C4orf50: variants seen among roughly 807,000 people sequenced by gnomAD.
The protein encoded by C4orf50 is chromosome 4 open reading frame 50.
C4orf50 carries 80 observed loss-of-function variants against 77.2 expected under a neutral mutation model. The observed-to-expected ratio is 1.04, with a 90% CI of 0.87 to 1.25. C4orf50 has a LOEUF of 1.25. Ranked by LOEUF, C4orf50 falls within the 50% of genes most tolerant of loss-of-function variation. The pLI is 0.00. For missense variants in C4orf50, 1,257 were observed against 1,152.9 expected (o/e 1.09, Z -1.31); for synonymous variants, 532 against 465.3 (o/e 1.14, Z -1.84).
At chr4:5,956,435 A>G (rs1718963362), downstream of C4orf50, among the ~76,000 whole-genome samples, 1 of 152,160 alleles carries the variant, frequency 6.6e-6, no homozygotes, top group Middle Eastern at 3.2e-3. Flanking sequence ...ACTCTGGAGG[A>G]CAGGAACCTG....
chr4:5,955,297 G>A (rs540535975), downstream of C4orf50, among the ~76,000 whole-genome samples: 5 of 152,152 alleles, frequency 3.3e-5, no homozygotes, highest in African/African-American at 7.2e-5. The surrounding 1 kb of genome is among the most constrained non-coding windows in gnomAD (Gnocchi z 5.1). Context: ...TGAAATCACC[G>A]AGGCGGGGAG....
chr4:5,925,433 G>C (rs1237486666), intron 7 of C4orf50, among the ~76,000 whole-genome samples: 1 of 152,220 alleles, frequency 6.6e-6, no homozygotes, highest in Non-Finnish European at 1.5e-5. Context: ...ATGAGAACTA[G>C]AAAGATAAAC....
chr4:5,926,050 G>C (rs1016253883), intron 7 of C4orf50, among the ~76,000 whole-genome samples: 4 of 152,248 alleles, frequency 2.6e-5, no homozygotes, highest in Non-Finnish European at 4.4e-5. Context: ...CGGACGACAC[G>C]ATAGCTGGAA....
rs1716522826 is a variant in C4orf50, at chr4:5,905,797, T to C, written c.*2475-7609A>G. On this transcript the variant is annotated intron_variant, in intron 7 of 7. Coordinates refer to the C4orf50 transcript ENST00000324058. This position sits in a 1 kb window ranked among gnomAD's most constrained non-coding sequence, Gnocchi z 5.4. ...AAAGGGGCCAATGGCCAAAAGAAGGTTGAGAACAACTGAAGAAGAAAGACA... is the reference window on the plus strand; with the variant it reads ...AAAGGGGCCAATGGCCAAAAGAAGGCTGAGAACAACTGAAGAAGAAAGACA... Among the ~76,000 whole-genome samples, 1 of 152,104 alleles carries C rather than the reference T, an allele frequency of 6.6e-6. No individual in the cohort carries two copies.
At chr4:5,966,320 C>CAA (rs1428111115) in intron 32 of C4orf50, among the ~76,000 whole-genome samples, 1 of 151,890 alleles carries the variant, frequency 6.6e-6, no homozygotes, top group Admixed American at 6.6e-5. Context: ...TACAAAAATA[C>CAA]AAAAATTAGC....
intron 31 of C4orf50, among the ~76,000 whole-genome samples, chr4:5,969,335 T>C (rs1416668408): frequency 5.3e-5 from 8 of 151,744 alleles, no homozygotes; most frequent in Non-Finnish European, 1.2e-4. Flanking sequence ...AGTTCAGGGC[T>C]TTGAGGGATA....
At chr4:5,977,126 G>A (rs1325292705) in intron 29 of C4orf50, among the ~76,000 whole-genome samples, 4 of 152,178 alleles carry the variant, frequency 2.6e-5, no homozygotes, top group Non-Finnish European at 5.9e-5. Flanking sequence ...TGTGAGTGAG[G>A]CCGCCGGGGA....
intron 26 of C4orf50, 132 bp downstream of exon 4, chr4:5,994,215 G>C (rs1018991321): frequency 2.8e-5 from 11 of 395,538 alleles, no homozygotes; most frequent in East Asian, 3.6e-5. Flanking sequence ...TCTGAGCCTC[G>C]ATTCTTGTCT....
At chr4:5,973,894 G>C (rs1720097347) in intron 30 of C4orf50, 53 bp from the exon 9 acceptor site, 3 of 1,438,326 alleles carry the variant, frequency 2.1e-6, no homozygotes, top group East Asian at 2.4e-5. Context: ...CTGCATGGCT[G>C]AGCTGGAGGG....
intron 7 of C4orf50, among the ~76,000 whole-genome samples, chr4:5,931,129 C>G (rs1717750843): frequency 6.6e-6 from 1 of 152,188 alleles, no homozygotes; most frequent in African/African-American, 2.4e-5. Flanking sequence ...TCAGGCCCAG[C>G]TGAAAAGGAA....
chr4:5,961,050 C>T (rs945101618), intron 33 of C4orf50, among the ~76,000 whole-genome samples: 1 of 151,006 alleles, frequency 6.6e-6, no homozygotes, highest in Non-Finnish European at 1.5e-5. Flanking sequence ...GAAGGACAAA[C>T]AAGGACAAGG....
At chr4:5,941,263 G>C (rs148029424) in intron 7 of C4orf50, among the ~76,000 whole-genome samples, 1 of 152,154 alleles carries the variant, frequency 6.6e-6, no homozygotes. Context: ...ACAACACTGC[G>C]AGTTAAGTAC....
chr4:5,936,208 GAAA>G (rs11333410), intron 7 of C4orf50, among the ~76,000 whole-genome samples: 1 of 147,154 alleles, frequency 6.8e-6, no homozygotes, highest in Non-Finnish European at 1.5e-5. Flanking sequence ...CATGCTGCAG[GAAA>G]AAAAAAAAAT....
intron 7 of C4orf50, among the ~76,000 whole-genome samples, chr4:5,927,365 C>G (rs1241241123): frequency 6.6e-6 from 1 of 152,076 alleles, no homozygotes; most frequent in Non-Finnish European, 1.5e-5. Flanking sequence ...CTCCCCCAAG[C>G]CCCTTTGTTT....
chr4:6,004,718 T>C (rs1184441184), intron 25 of C4orf50, among the ~76,000 whole-genome samples: 2 of 127,426 alleles, frequency 1.6e-5, no homozygotes, highest in Admixed American at 7.8e-5. Flanking sequence ...GTGGTGATGA[T>C]GTGATGGTGA....
chr4:6,014,866 G>A (rs1481120012), intron 23 of C4orf50, among the ~76,000 whole-genome samples: 1 of 152,260 alleles, frequency 6.6e-6, no homozygotes, highest in African/African-American at 2.4e-5. Context: ...AGAGAACAGA[G>A]GACTCGAGCC....
intron 7 of C4orf50, among the ~76,000 whole-genome samples, chr4:5,909,230 A>G (rs1016926004): frequency 1.3e-5 from 2 of 152,226 alleles, no homozygotes; most frequent in African/African-American, 4.8e-5. Flanking sequence ...TGCAGGGACC[A>G]CATGACCTCC....
intron 31 of C4orf50, among the ~76,000 whole-genome samples, chr4:5,968,797 G>A (rs1435182696): frequency 1.3e-5 from 2 of 152,140 alleles, no homozygotes; most frequent in Non-Finnish European, 2.9e-5. Context: ...CTCCTTCAAC[G>A]CGAGACTGGG....
At chr4:5,956,835 C>G (rs911963012), downstream of C4orf50, 2 of 152,438 alleles carry the variant, frequency 1.3e-5, no homozygotes, top group East Asian at 3.9e-4. Context: ...CAGGGTCACT[C>G]GTAGTCATTC....
Sources: allele counts gnomAD v4.1 joint callset (sites outside exome capture counted in the v4.1 genomes callset), GRCh38; gene constraint gnomAD v4.1.1; non-coding constraint Gnocchi (gnomAD v3.1); transcripts MANE v1.5; gene names NCBI Gene and HGNC (gene_info 2026-07-23, HGNC 2026-07-21).